Variants in EXT1 observed in about 807,000 individuals in gnomAD.
EXT1 encodes exostosin glycosyltransferase 1, also known as exostosin-1.
A neutral mutation model predicts 82.5 loss-of-function variants in EXT1; 20 were observed. The ratio of observed to expected loss-of-function variants is 0.24; its 90% CI spans 0.17 to 0.35. EXT1 has a LOEUF of 0.35. EXT1 is among the 10% of genes least tolerant of loss of function. The pLI, the probability that EXT1 is intolerant of heterozygous loss-of-function variation, is 1.00. For synonymous variants in EXT1, 348 were observed against 350.8 expected (o/e 0.99, Z 0.09); for missense variants, 757 against 936.5 (o/e 0.81, Z 2.50).
chr8:117,889,233 A>C (rs975537644), intron 1 of EXT1, among the ~76,000 whole-genome samples: 1 of 152,188 alleles, frequency 6.6e-6, no homozygotes, highest in Admixed American at 6.5e-5. Context: ...GGCCTGAGCT[A>C]CCTAAATTCA....
At chr8:117,838,092 C>T (rs1308986089) in intron 1 of EXT1, among the ~76,000 whole-genome samples, 1 of 152,174 alleles carries the variant, frequency 6.6e-6, no homozygotes, top group Non-Finnish European at 1.5e-5. Flanking sequence ...CACATTCCTA[C>T]ACAGGCAGTT....
chr8:118,077,906 T>C (rs1817240151), intron 1 of EXT1, among the ~76,000 whole-genome samples: 1 of 152,198 alleles, frequency 6.6e-6, no homozygotes, highest in African/African-American at 2.4e-5. Flanking sequence ...AAAGAACATT[T>C]ATGAATACCA....
At chr8:117,983,461 G>C (rs1042837503) in intron 1 of EXT1, among the ~76,000 whole-genome samples, 2 of 152,152 alleles carry the variant, frequency 1.3e-5, no homozygotes, top group African/African-American at 2.4e-5. Flanking sequence ...TCCAGCCTGG[G>C]AGACAGACAG....
In EXT1 at chr8:118,110,490, T is replaced by G. The variant is rs1387642251; in HGVS notation, c.557A>C (p.Asn186Thr). The G allele has an allele frequency of 6.8e-6, 11 of 1,613,970 alleles. No individual in the cohort carries two copies. The highest frequency in any genetic ancestry group is 9.3e-6 in the Non-Finnish European group (11 of 1,180,036). ...SKVQSLHLWNNGRNHLIFNLY... is the reference protein window; with the variant it reads ...SKVQSLHLWNTGRNHLIFNLY... ...ATTAAAAATTAAATGATTCCTACCA[T>G]TGTTCCACAAGTGGAGACTCTGCAC... is the stretch of plus-strand genomic sequence containing the variant. The change falls in exon 1 of 11, where the codon AAT becomes ACT. Residue 186 changes from asparagine to threonine, a missense_variant. Coordinates refer to ENST00000378204, the MANE Select transcript of EXT1 (RefSeq NM_000127.3).
At chr8:117,952,607 CA>C (rs1371791662) in intron 1 of EXT1, among the ~76,000 whole-genome samples, 1 of 152,134 alleles carries the variant, frequency 6.6e-6, no homozygotes, top group African/African-American at 2.4e-5. Flanking sequence ...ACTAAAAACA[CA>C]AAAATTAGCT....
intron 1 of EXT1, among the ~76,000 whole-genome samples, chr8:117,988,797 T>C (rs900357382): frequency 3.3e-5 from 5 of 152,172 alleles, no homozygotes; most frequent in Admixed American, 1.3e-4. Context: ...GTGGTCCCTG[T>C]GGACAGATGA....
chr8:118,100,463 T>C (rs968806636), intron 1 of EXT1, among the ~76,000 whole-genome samples: 6 of 152,104 alleles, frequency 3.9e-5, no homozygotes, highest in Admixed American at 3.3e-4. Flanking sequence ...TAAAAGTCAA[T>C]TGGAGGCGGG....
chr8:117,839,682 A>G (rs1448317734), intron 1 of EXT1, among the ~76,000 whole-genome samples: 2 of 152,348 alleles, frequency 1.3e-5, no homozygotes, highest in East Asian at 3.9e-4. Flanking sequence ...ATGATGCCCC[A>G]CAAGTGGGCA....
chr8:117,813,399 T>C (rs958562412), intron 7 of EXT1, among the ~76,000 whole-genome samples: 24 of 151,994 alleles, frequency 1.6e-4, no homozygotes, highest in Admixed American at 1.4e-3. Context: ...CAGGTATAGA[T>C]AGTAATGAAG....
At chr8:118,101,186 G>A (rs1398189615) in intron 1 of EXT1, among the ~76,000 whole-genome samples, 1 of 152,160 alleles carries the variant, frequency 6.6e-6, no homozygotes, top group Admixed American at 6.5e-5. Context: ...TATGAGACCA[G>A]TATTATGATC....
chr8:117,834,715 T>C (rs1452333027), intron 3 of EXT1, among the ~76,000 whole-genome samples: 1 of 152,110 alleles, frequency 6.6e-6, no homozygotes, highest in Admixed American at 6.6e-5. Context: ...CAAATATTTG[T>C]GGTAATTCAA....
chr8:117,809,661 G>T (rs2129710380), intron 8 of EXT1, among the ~76,000 whole-genome samples: 2 of 152,004 alleles, frequency 1.3e-5, no homozygotes, highest in Admixed American at 1.3e-4. Flanking sequence ...TCCAGAGCGG[G>T]GAAAAAACCC....
At chr8:118,021,422 TA>T (rs1336405983) in intron 1 of EXT1, among the ~76,000 whole-genome samples, 5 of 152,262 alleles carry the variant, frequency 3.3e-5, no homozygotes, top group Admixed American at 3.3e-4. Context: ...ATTTGGCTAA[TA>T]ATTGTCAGGG....
At chr8:117,950,215 T>G (rs1563610737) in intron 1 of EXT1, among the ~76,000 whole-genome samples, 2 of 152,168 alleles carry the variant, frequency 1.3e-5, no homozygotes, top group African/African-American at 4.8e-5. Context: ...GACTATAGCT[T>G]GGGTGACAGA....
At chr8:117,811,124 C>T (rs2129714531) in intron 8 of EXT1, among the ~76,000 whole-genome samples, 1 of 152,256 alleles carries the variant, frequency 6.6e-6, no homozygotes. Context: ...CTAAGGAATC[C>T]AAAGTTCCTT....
At chr8:117,873,728 T>C (rs897719435) in intron 1 of EXT1, among the ~76,000 whole-genome samples, 1 of 152,272 alleles carries the variant, frequency 6.6e-6, no homozygotes, top group Non-Finnish European at 1.5e-5. Flanking sequence ...AGTGCTGGGA[T>C]TACAGGCATG....
intron 1 of EXT1, among the ~76,000 whole-genome samples, chr8:117,909,309 T>C (rs1047885101): frequency 6.6e-6 from 1 of 152,176 alleles, no homozygotes; most frequent in African/African-American, 2.4e-5. Context: ...GAAAATTCAC[T>C]TCTAGCATGT....
intron 1 of EXT1, among the ~76,000 whole-genome samples, chr8:118,066,188 C>A (rs1283028305): frequency 6.6e-6 from 1 of 152,138 alleles, no homozygotes; most frequent in Admixed American, 6.5e-5. Flanking sequence ...GCAAGACTAA[C>A]CCCTCATCTT....
At chr8:117,905,897 A>G (rs921818591) in intron 1 of EXT1, among the ~76,000 whole-genome samples, 1 of 152,196 alleles carries the variant, frequency 6.6e-6, no homozygotes, top group Non-Finnish European at 1.5e-5. Context: ...GAGTCAGAAG[A>G]AAAAGACCAT....
Sources: allele counts gnomAD v4.1 joint callset (sites outside exome capture counted in the v4.1 genomes callset), GRCh38; gene constraint gnomAD v4.1.1; transcripts MANE v1.5; gene names NCBI Gene and HGNC (gene_info 2026-07-23, HGNC 2026-07-21).